Variants in SEMA3A observed in about 807,000 individuals in gnomAD.
SEMA3A encodes the protein semaphorin-3A.
Under a neutral mutation model 97.9 loss-of-function variants are expected in SEMA3A, and 29 were observed. That is an observed-to-expected ratio of 0.30 (90% CI 0.22 to 0.40). The LOEUF (loss-of-function observed/expected upper bound fraction) is 0.40. Ranked by LOEUF, SEMA3A falls within the 10% of genes least tolerant of loss-of-function variation. The pLI is 1.00. For synonymous variants in SEMA3A, 321 were observed against 323.7 expected (o/e 0.99, Z 0.09); for missense variants, 763 against 951.3 (o/e 0.80, Z 2.60).
chr7:84,454,883 T>C (rs1281909358), intron 1 of SEMA3A, among the ~76,000 whole-genome samples: 3 of 152,008 alleles, frequency 2.0e-5, no homozygotes, highest in Non-Finnish European at 4.4e-5. Context: ...AGTAATTTCA[T>C]GTACAATCTA....
chr7:84,192,654 G>A (rs1283258211), intron 1 of SEMA3A, among the ~76,000 whole-genome samples: 5 of 151,838 alleles, frequency 3.3e-5, no homozygotes, highest in Non-Finnish European at 7.4e-5. Context: ...GAAAGAACAA[G>A]TGCCTCCTCT....
chr7:84,214,561 A>G (rs1181564285), intron 3 of SEMA3A, among the ~76,000 whole-genome samples: 3 of 152,104 alleles, frequency 2.0e-5, no homozygotes, highest in Non-Finnish European at 4.4e-5. Context: ...CTATCTTCTC[A>G]CCTCAGAAGA....
chr7:84,439,952 ATATTTATG>A (rs1805233016), intron 1 of SEMA3A, among the ~76,000 whole-genome samples: 3 of 152,224 alleles, frequency 2.0e-5, no homozygotes, highest in Non-Finnish European at 4.4e-5. Context: ...ATATATTCAA[ATATTTATG>A]AGTACCTACC....
chr7:83,985,995 G>T (rs1179951917), intron 12 of SEMA3A, among the ~76,000 whole-genome samples: 2 of 152,148 alleles, frequency 1.3e-5, no homozygotes, highest in Admixed American at 1.3e-4. Context: ...GGGATATATG[G>T]TCATTTTTGT....
chr7:84,394,746 C>T (rs543087499), intron 1 of SEMA3A, among the ~76,000 whole-genome samples: 1 of 152,194 alleles, frequency 6.6e-6, no homozygotes, highest in South Asian at 2.1e-4. Flanking sequence ...ATAGAATTTT[C>T]ATTGCCAGCA....
intron 5 of SEMA3A, among the ~76,000 whole-genome samples, chr7:84,055,749 T>C (rs536833119): frequency 6.6e-6 from 1 of 151,766 alleles, no homozygotes; most frequent in African/African-American, 2.4e-5. Context: ...TGTTGATTCT[T>C]AAGCATAGTG....
intron 3 of SEMA3A, among the ~76,000 whole-genome samples, chr7:84,299,754 A>G (rs1303146606): frequency 1.2e-5 from 1 of 85,044 alleles, no homozygotes; most frequent in Non-Finnish European, 2.5e-5. Flanking sequence ...TAGCAGTAAG[A>G]AAATACATTT....
At chr7:84,358,258 T>G (rs926745451) in intron 2 of SEMA3A, among the ~76,000 whole-genome samples, 2 of 152,218 alleles carry the variant, frequency 1.3e-5, no homozygotes, top group East Asian at 1.9e-4. Flanking sequence ...TCTAGGGTTT[T>G]TATGGTTTCA....
chr7:84,282,362 T>A (rs1800459380), intron 3 of SEMA3A, among the ~76,000 whole-genome samples: 1 of 152,166 alleles, frequency 6.6e-6, no homozygotes, highest in South Asian at 2.1e-4. Flanking sequence ...ACAGCTAACC[T>A]CCAAAAGCTT....
chr7:84,159,822 C>T (rs1029232053), intron 1 of SEMA3A, among the ~76,000 whole-genome samples: 17 of 152,108 alleles, frequency 1.1e-4, no homozygotes, highest in African/African-American at 4.1e-4. Context: ...TAGAAAATGA[C>T]TTATATGCTA....
At chr7:84,065,935 T>C (rs962516518) in intron 4 of SEMA3A, among the ~76,000 whole-genome samples, 1 of 151,432 alleles carries the variant, frequency 6.6e-6, no homozygotes, top group African/African-American at 2.4e-5. Context: ...CCAGCATCAT[T>C]CTGATACCAA....
chr7:84,089,452 A>G (rs536010673), intron 4 of SEMA3A, among the ~76,000 whole-genome samples: 77 of 152,274 alleles, frequency 5.1e-4, no homozygotes, highest in African/African-American at 1.8e-3. Flanking sequence ...GTTATTTCAT[A>G]GATAAAAAAC....
intron 5 of SEMA3A, among the ~76,000 whole-genome samples, chr7:84,058,039 C>A (rs1057046029): frequency 1.2e-4 from 18 of 152,072 alleles, no homozygotes; most frequent in Non-Finnish European, 2.9e-5. Context: ...AAGCTGTCAT[C>A]TGGTTTTAAA....
chr7:84,321,965 C>G (rs1473232973), intron 2 of SEMA3A, among the ~76,000 whole-genome samples: 1 of 146,496 alleles, frequency 6.8e-6, no homozygotes, highest in African/African-American at 2.5e-5. Context: ...TTAATTGACT[C>G]ACAGACTCAC....
chr7:84,224,049 T>G (rs2116342048), intron 3 of SEMA3A, among the ~76,000 whole-genome samples: 1 of 152,072 alleles, frequency 6.6e-6, no homozygotes, highest in Admixed American at 6.6e-5. Flanking sequence ...TTTATTGAAA[T>G]TGTACATTAT....
At chr7:84,021,326 AT>A in intron 6 of SEMA3A, among the ~76,000 whole-genome samples, 1 of 152,316 alleles carries the variant, frequency 6.6e-6, no homozygotes, top group Middle Eastern at 3.4e-3. Context: ...TCTTTTTAAA[AT>A]ATCTGCATTT....
chr7:84,219,972 A>G (rs1437848096), intron 3 of SEMA3A, among the ~76,000 whole-genome samples: 3 of 152,132 alleles, frequency 2.0e-5, no homozygotes, highest in Non-Finnish European at 4.4e-5. Flanking sequence ...TAAGACAACA[A>G]TGAAGTTCAC....
At chr7:84,307,886 G>C (rs1205170484) in intron 2 of SEMA3A, among the ~76,000 whole-genome samples, 1 of 151,832 alleles carries the variant, frequency 6.6e-6, no homozygotes, top group African/African-American at 2.4e-5. Flanking sequence ...TACTAAAATA[G>C]ATGCTTTGTA....
At chr7:84,091,788 TGAAGA>T (rs1380597963) in intron 4 of SEMA3A, among the ~76,000 whole-genome samples, 1 of 152,120 alleles carries the variant, frequency 6.6e-6, no homozygotes, top group Non-Finnish European at 1.5e-5. Context: ...TAACCGTGAG[TGAAGA>T]GTTTAAATAG....
Sources: allele counts gnomAD v4.1 joint callset (sites outside exome capture counted in the v4.1 genomes callset), GRCh38; gene constraint gnomAD v4.1.1; transcripts MANE v1.5; gene names NCBI Gene and HGNC (gene_info 2026-07-23, HGNC 2026-07-21).